The following STPG2 variants were observed in gnomAD, a reference collection of about 807,000 sequenced individuals.
STPG2 encodes the protein sperm-tail PG-rich repeat-containing protein 2.
STPG2 carries 56 observed loss-of-function variants against 54.2 expected under a neutral mutation model. The ratio of observed to expected loss-of-function variants is 1.03; its 90% CI spans 0.83 to 1.29. STPG2 has a LOEUF of 1.29. Among genes scored for constraint, STPG2 ranks in the 50% most tolerant of loss-of-function variants. STPG2 has a pLI of 0.00. For missense variants in STPG2, 596 were observed against 544.9 expected, an observed-to-expected ratio of 1.09 and a Z score of -0.93; for synonymous variants, 200 against 181.8, an observed-to-expected ratio of 1.10 and a Z score of -0.81.
At chr4:98,025,426 G>A (rs1338420319) in intron 5 of STPG2, 2 of 438,518 alleles carry the variant, frequency 4.6e-6, no homozygotes, top group African/African-American at 4.1e-5. Context: ...CCTGCTTTAA[G>A]AGATACCAAG....
chr4:97,954,060 TA>T (rs1346164075), intron 7 of STPG2, among the ~76,000 whole-genome samples: 1 of 152,220 alleles, frequency 6.6e-6, no homozygotes, highest in Non-Finnish European at 1.5e-5. Context: ...TTGCAGTTTT[TA>T]GTACTTAGGA....
chr4:97,921,718 A>G (rs1732116029), intron 8 of STPG2, among the ~76,000 whole-genome samples: 1 of 152,204 alleles, frequency 6.6e-6, no homozygotes, highest in Admixed American at 6.5e-5. Flanking sequence ...AAAGTTACTG[A>G]AAAATATGAC....
At chr4:97,850,808 A>C (rs2149130741) in intron 8 of STPG2, among the ~76,000 whole-genome samples, 1 of 152,294 alleles carries the variant, frequency 6.6e-6, no homozygotes, top group East Asian at 1.9e-4. Flanking sequence ...TAGTTGCTTT[A>C]CTTGGGCACA....
intron 10 of STPG2, among the ~76,000 whole-genome samples, chr4:97,580,381 T>C (rs1732833060): frequency 1.3e-5 from 2 of 151,948 alleles, no homozygotes; most frequent in Non-Finnish European, 1.5e-5. Context: ...TGACAGAATA[T>C]TACTTAGAAT....
intron 9 of STPG2, among the ~76,000 whole-genome samples, chr4:97,725,613 G>C (rs956996439): frequency 1.3e-5 from 2 of 151,428 alleles, no homozygotes; most frequent in Non-Finnish European, 1.5e-5. Flanking sequence ...ACAGAATTTA[G>C]AGTAAAAAGG....
intron 8 of STPG2, among the ~76,000 whole-genome samples, chr4:97,906,524 G>A (rs1731430788): frequency 6.6e-6 from 1 of 152,164 alleles, no homozygotes; most frequent in African/African-American, 2.4e-5. Flanking sequence ...TATCAGGCCA[G>A]TATCATCCTG....
intron 8 of STPG2, among the ~76,000 whole-genome samples, chr4:97,855,672 C>T (rs190727474): frequency 3.8e-4 from 58 of 152,108 alleles, no homozygotes; most frequent in African/African-American, 9.9e-4. Flanking sequence ...TAGTTCAATT[C>T]GATCTCATTT....
At chr4:98,103,165 A>T (rs900375778) in intron 5 of STPG2, among the ~76,000 whole-genome samples, 9 of 152,026 alleles carry the variant, frequency 5.9e-5, no homozygotes, top group African/African-American at 1.7e-4. Flanking sequence ...CATGTTCATT[A>T]TAAAACAACA....
chr4:97,840,403 G>A (rs1209892986), intron 9 of STPG2, among the ~76,000 whole-genome samples: 4 of 151,226 alleles, frequency 2.6e-5, no homozygotes, highest in South Asian at 2.1e-4. Context: ...ATCTTCTTAC[G>A]TTTGAAAAAA....
chr4:97,626,152 AAT>A (rs1734133480), intron 10 of STPG2, among the ~76,000 whole-genome samples: 2 of 152,204 alleles, frequency 1.3e-5, no homozygotes, highest in African/African-American at 4.8e-5. Context: ...AATATAAAAT[AAT>A]ATTTTTATTT....
intron 5 of STPG2, among the ~76,000 whole-genome samples, chr4:98,036,719 C>A (rs531799433): frequency 6.6e-6 from 1 of 151,600 alleles, no homozygotes; most frequent in Non-Finnish European, 1.5e-5. Flanking sequence ...AGGCTTAATA[C>A]CTAGGTGATA....
chr4:98,086,666 G>GAAAAAAAAAAAA (rs35225418), intron 5 of STPG2, among the ~76,000 whole-genome samples: 2 of 94,926 alleles, frequency 2.1e-5, no homozygotes, highest in African/African-American at 4.1e-5. Flanking sequence ...ATGCATGCCA[G>GAAAAAAAAAAAA]AAAAAAAAAA....
chr4:98,038,697 A>T (rs4492007), intron 5 of STPG2, among the ~76,000 whole-genome samples: 59,775 of 151,812 alleles, frequency 0.39, 11,982 homozygotes, highest in Middle Eastern at 0.46. Context: ...AAAAATTAAT[A>T]AATTTGATCA....
chr4:97,818,755 C>A (rs1299065466), intron 9 of STPG2, among the ~76,000 whole-genome samples: 1 of 151,778 alleles, frequency 6.6e-6, no homozygotes, highest in Non-Finnish European at 1.5e-5. Context: ...TCAAATGAAG[C>A]TTTTCCCAGT....
chr4:97,990,428 A>C (rs1194829832), intron 5 of STPG2, among the ~76,000 whole-genome samples: 1 of 152,224 alleles, frequency 6.6e-6, no homozygotes, highest in African/African-American at 2.4e-5. Context: ...CAACCCTCAA[A>C]GTTGAAAATG....
intron 5 of STPG2, among the ~76,000 whole-genome samples, chr4:97,999,397 T>C (rs1208388605): frequency 1.3e-5 from 2 of 152,034 alleles, no homozygotes; most frequent in Non-Finnish European, 2.9e-5. Context: ...AATTATCAGA[T>C]AGAGAAAAGA....
chr4:97,577,931 A>G (rs1036402116), intron 10 of STPG2, among the ~76,000 whole-genome samples: 1 of 152,154 alleles, frequency 6.6e-6, no homozygotes, highest in Non-Finnish European at 1.5e-5. Context: ...TCCAAAATAT[A>G]CTAAAGGTCC....
At chr4:98,003,486 GT>G (rs1735477485) in intron 5 of STPG2, among the ~76,000 whole-genome samples, 3 of 151,800 alleles carry the variant, frequency 2.0e-5, no homozygotes, top group Non-Finnish European at 4.4e-5. Context: ...GAGTTTGATT[GT>G]TTTAAAAAAT....
At chr4:97,704,396 G>A (rs752120760) in intron 10 of STPG2, among the ~76,000 whole-genome samples, 2 of 152,150 alleles carry the variant, frequency 1.3e-5, no homozygotes, top group Non-Finnish European at 2.9e-5. Context: ...ACCCAGAGAA[G>A]CTCATACCTC....
Sources: allele counts gnomAD v4.1 joint callset (sites outside exome capture counted in the v4.1 genomes callset), GRCh38; gene constraint gnomAD v4.1.1; transcripts MANE v1.5; gene names NCBI Gene and HGNC (gene_info 2026-07-23, HGNC 2026-07-21).